The following SYNE2 variants were observed in gnomAD, a reference collection of about 807,000 sequenced individuals.
The protein encoded by SYNE2 is nesprin-2.
Under a neutral mutation model 856.3 loss-of-function variants are expected in SYNE2, and 431 were observed. That is an observed-to-expected ratio of 0.50 (90% CI 0.47 to 0.55). The LOEUF is 0.55. Ranked by LOEUF, SYNE2 falls within the 20% of genes least tolerant of loss-of-function variation. SYNE2 has a pLI of 0.00. For missense variants in SYNE2, 8,129 were observed against 8,023.2 expected, an observed-to-expected ratio of 1.01 and a Z score of -0.50; for synonymous variants, 2,923 against 2,872.3, an observed-to-expected ratio of 1.02 and a Z score of -0.56.
intron 108 of SYNE2, among the ~76,000 whole-genome samples, chr14:64,217,370 C>G (rs2098671484): frequency 6.6e-6 from 1 of 152,192 alleles, no homozygotes; most frequent in East Asian, 1.9e-4. Flanking sequence ...GCCTTGAGTT[C>G]TTGGCATGCT....
At chr14:64,099,517 T>C in intron 63 of SYNE2, 1 of 154,100 alleles carries the variant, frequency 6.5e-6, no homozygotes, top group Non-Finnish European at 1.4e-5. Context: ...CAAGGAAGAG[T>C]ACAACTTTAC....
At chr14:63,923,195 G>A (rs368881456) in intron 2 of SYNE2, among the ~76,000 whole-genome samples, 3 of 152,248 alleles carry the variant, frequency 2.0e-5, no homozygotes, top group African/African-American at 7.2e-5. Context: ...CCAACTTCTA[G>A]ACTTTTATCA....
At position 64,219,424 on chromosome 14, in the gene SYNE2, G is replaced by A. The variant is rs1157331444; in HGVS notation, c.19860+14G>A. 82 of 1,613,102 alleles carry A rather than the reference G, an allele frequency of 5.1e-5. No individual in the cohort carries two copies. Among genetic ancestry groups the A allele is most frequent in the Non-Finnish European group, 7.0e-5 (82 of 1,179,332 alleles). On this transcript the variant is annotated intron_variant, in intron 110 of 115. Coordinates refer to ENST00000555002, the MANE Select transcript of SYNE2 (RefSeq NM_182914.3). Reference sequence around the variant, plus strand: ...AAGAGACTGCAGGTGAGTTAGAGGTGTGGTGGGGAAGAGGGATTCAGAATG... The same window carrying A: ...AAGAGACTGCAGGTGAGTTAGAGGTATGGTGGGGAAGAGGGATTCAGAATG...
At chr14:63,951,066 T>C (rs1278982883) in intron 7 of SYNE2, among the ~76,000 whole-genome samples, 1 of 152,090 alleles carries the variant, frequency 6.6e-6, no homozygotes, top group Non-Finnish European at 1.5e-5. Context: ...ACAATTTACT[T>C]TTCCATTTTA....
intron 1 of SYNE2, among the ~76,000 whole-genome samples, chr14:63,865,629 G>A (rs994198429): frequency 2.7e-5 from 4 of 149,730 alleles, no homozygotes; most frequent in African/African-American, 7.4e-5. Context: ...GGAGAATCAC[G>A]TGAACCCAGG....
chr14:63,844,655 G>A (rs1890173982), intron 1 of SYNE2, among the ~76,000 whole-genome samples: 1 of 151,922 alleles, frequency 6.6e-6, no homozygotes, highest in South Asian at 2.1e-4. Flanking sequence ...AGACTTTTTT[G>A]TACAGTCTTT....
chr14:63,765,502 G>A (rs7160525), intron 1 of SYNE2, among the ~76,000 whole-genome samples: 34,759 of 151,804 alleles, frequency 0.23, 4,878 homozygotes, highest in African/African-American at 0.4. Context: ...ACAGGTGCCC[G>A]CCACCATGCC....
In SYNE2 at chr14:64,173,028, C is replaced by A. The variant is rs566467126; in HGVS notation, c.17236-1916C>A. 7.2e-5 allele frequency among the ~76,000 whole-genome samples: 11 copies of A among 152,218 alleles called. 1 individual carries two copies. Among genetic ancestry groups the A allele is most frequent in the African/African-American group, 2.6e-4 (11 of 41,546 alleles). On this transcript the variant is annotated intron_variant, in intron 94 of 115. Coordinates refer to ENST00000555002, the MANE Select transcript of SYNE2 (RefSeq NM_182914.3). ...TTGGGTGTGGTTACATCTGGGTCTT[C>A]TTTTCTGCAATAAGATAATGAGGTA...
chr14:64,201,490 T>A (rs1462678090), intron 99 of SYNE2, among the ~76,000 whole-genome samples: 2 of 152,142 alleles, frequency 1.3e-5, no homozygotes, highest in Admixed American at 1.3e-4. Context: ...GCACAGTGTC[T>A]GAGAGAGTGC....
At chr14:64,023,701 A>G (rs1401398835) in intron 38 of SYNE2, 2 of 180,882 alleles carry the variant, frequency 1.1e-5, no homozygotes, top group African/African-American at 2.4e-5. Flanking sequence ...TAGACTATCT[A>G]TTACTTTAAT....
intron 95 of SYNE2, 97 bp downstream of exon 95, chr14:64,175,235 A>G: frequency 7.3e-7 from 1 of 1,372,258 alleles, no homozygotes; most frequent in Non-Finnish European, 1.0e-6. Flanking sequence ...AGGAAACTAT[A>G]GTATCATGAG....
rs1245337224 is a variant in SYNE2 at position 64,037,966 on chromosome 14, G to T, written c.7221+6609G>T. Among the ~76,000 whole-genome samples, 4 of 152,036 alleles carry T rather than the reference G, an allele frequency of 2.6e-5. No individual in the cohort carries two copies. In the East Asian group the frequency reaches 7.8e-4, roughly 30 times the overall value. ...TGACCCCCCCACCTCCCTCCCGGAC[G>T]GGGCGGCTGCCGGGCGGAGACGCTC... On this transcript the variant is annotated intron_variant, in intron 45 of 115. Transcript: ENST00000555002.
rs769024558 is a variant in SYNE2 at position 63,991,001 on chromosome 14, G to A, written c.2532G>A (p.Leu844=). ...ACTTAACTGACGTTTCACCAGATTT[G>A]GACATCAGGCTGAAGATGGAAGAAT... ...LKNLTDVSPD[L]DIRLKMEESQ... is the part of the protein sequence containing the mutation. Residue 844 remains leucine, a synonymous_variant, in exon 21 of 116, where the codon TTG becomes TTA. Transcript: ENST00000555002. 1.2e-6 allele frequency: 2 copies of A among 1,614,094 alleles called. No homozygotes were observed. Among genetic ancestry groups the A allele is most frequent in the Admixed American group, 3.3e-5 (2 of 60,020 alleles).
intron 2 of SYNE2, among the ~76,000 whole-genome samples, chr14:63,912,211 A>T (rs2095481617): frequency 1.3e-5 from 2 of 152,196 alleles, no homozygotes; most frequent in African/African-American, 4.8e-5. Flanking sequence ...GTTATCAGTG[A>T]ATTTGTAATG....
chr14:64,071,354 T>A (rs1196664346), intron 52 of SYNE2, among the ~76,000 whole-genome samples: 1 of 151,040 alleles, frequency 6.6e-6, no homozygotes, highest in African/African-American at 2.4e-5. Context: ...ATCAGCCGGG[T>A]GTGGTGGCAG....
chr14:64,053,520 A>G lies in SYNE2; in HGVS notation c.9607A>G (p.Met3203Val), dbSNP rs759142951. 5 of 1,614,248 alleles carry G rather than the reference A, an allele frequency of 3.1e-6. No individual in the cohort carries two copies. The Admixed American group carries it at 6.7e-5, about 22-fold the overall frequency. Residue 3203 changes from methionine to valine, a missense_variant, in exon 48 of 116, where the codon ATG becomes GTG. Around this residue, in one of 3 missense-constraint regions of SYNE2, gnomAD observed 5,410 missense variants for 5,284.8 expected, o/e 1.02. Transcript: ENST00000555002. ...ATTTCAGGAGCAAGTTTGGGCAGAA[A>G]TGTGTAGTATTAAAGCTGTGACTGC... ...EAFQEQVWAEMCSIKAVTAIE... is the reference protein window; with the variant it reads ...EAFQEQVWAEVCSIKAVTAIE...
In SYNE2 at chr14:63,830,198, A is replaced by C. The variant is rs113273181; in HGVS notation, c.-304-22303A>C. Among the ~76,000 whole-genome samples the C allele has an allele frequency of 5.7e-3, 863 of 151,864 alleles. 5 individuals carry two copies. The highest frequency in any genetic ancestry group is 0.019 in the African/African-American group (797 of 41,418). On this transcript the variant is annotated intron_variant, in intron 1 of 23. Coordinates refer to the SYNE2 transcript ENST00000674003. ...AGGGAAATCTTTAGAGATGGAAAGT[A>C]GATTAGTAGTGGCCTAGGACAGGGA...
chr14:63,764,314 G>C (rs994512495), intron 1 of SYNE2, among the ~76,000 whole-genome samples: 2 of 152,194 alleles, frequency 1.3e-5, no homozygotes, highest in South Asian at 2.1e-4. Context: ...GTTTGAAAGA[G>C]AGAAACTAGT....
At chr14:64,073,190 G>A (rs1567215390) in intron 52 of SYNE2, among the ~76,000 whole-genome samples, 1 of 152,192 alleles carries the variant, frequency 6.6e-6, no homozygotes, top group South Asian at 2.1e-4. Context: ...TTGGGGGTGT[G>A]TGTTGGAGGT....
Sources: gnomAD v4.1 joint callset for allele counts (sites outside exome capture counted in the v4.1 genomes callset) on GRCh38, gnomAD v4.1.1 for gene constraint, gnomAD v4.1.1 regional missense constraint, MANE v1.5 for transcripts, NCBI Gene and HGNC (gene_info 2026-07-23, HGNC 2026-07-21) for gene names.